Variants in PRKCQ observed in about 807,000 individuals in gnomAD.
PRKCQ encodes the protein protein kinase C theta, also known as protein kinase C theta type.
PRKCQ carries 41 observed loss-of-function variants against 91.2 expected under a neutral mutation model. That is an observed-to-expected ratio of 0.45 (90% CI 0.35 to 0.58). The LOEUF is 0.58. Ranked by LOEUF, PRKCQ falls within the 20% of genes least tolerant of loss-of-function variation. The pLI is 0.00. For synonymous variants in PRKCQ, 307 were observed against 316.9 expected (o/e 0.97, Z 0.33); for missense variants, 673 against 896.5 (o/e 0.75, Z 3.18).
At chr10:6,511,607 C>T (rs929200202) in intron 2 of PRKCQ, among the ~76,000 whole-genome samples, 2 of 152,096 alleles carry the variant, frequency 1.3e-5, no homozygotes, top group African/African-American at 4.8e-5. Flanking sequence ...ATCTCCATGA[C>T]CAACTAAAAC....
chr10:6,494,733 T>G (rs1434443560), intron 7 of PRKCQ, among the ~76,000 whole-genome samples: 1 of 152,242 alleles, frequency 6.6e-6, no homozygotes, highest in Non-Finnish European at 1.5e-5. Context: ...TAGTCAGTCC[T>G]GAACTTTCTC....
chr10:6,523,251 ACCAG>A (rs1839081872), intron 1 of PRKCQ, among the ~76,000 whole-genome samples: 1 of 151,946 alleles, frequency 6.6e-6, no homozygotes, highest in Non-Finnish European at 1.5e-5. Flanking sequence ...GGAGTTTGAG[ACCAG>A]CCTCAGGAAC....
intron 4 of PRKCQ, among the ~76,000 whole-genome samples, chr10:6,503,001 T>C (rs1564358104): frequency 6.6e-6 from 1 of 152,148 alleles, no homozygotes; most frequent in Non-Finnish European, 1.5e-5. Context: ...ATACCATCTG[T>C]TTGTAACACA....
intron 1 of PRKCQ, among the ~76,000 whole-genome samples, chr10:6,571,098 G>A (rs907272867): frequency 1.3e-5 from 2 of 152,034 alleles, no homozygotes; most frequent in African/African-American, 4.8e-5. Flanking sequence ...TCTGGGAGCT[G>A]GGGAAGACAG....
intron 3 of PRKCQ, among the ~76,000 whole-genome samples, chr10:6,509,964 T>C (rs2130856183): frequency 6.6e-6 from 1 of 152,324 alleles, no homozygotes; most frequent in East Asian, 1.9e-4. Context: ...ATTTGAAACC[T>C]GTGACTTGAA....
chr10:6,402,777 G>T, the PRKCQ span, among the ~76,000 whole-genome samples: 1 of 152,288 alleles, frequency 6.6e-6, no homozygotes, highest in African/African-American at 2.4e-5. Context: ...AAGTGTGGTC[G>T]TGGGCACCTG....
At chr10:6,572,292 C>CAT (rs3086767) in intron 1 of PRKCQ, among the ~76,000 whole-genome samples, 79,155 of 151,686 alleles carry the variant, frequency 0.52, 22,290 homozygotes, top group Non-Finnish European at 0.62. Flanking sequence ...CATGGGTAAA[C>CAT]GTGCCATGGT....
intron 12 of PRKCQ, among the ~76,000 whole-genome samples, chr10:6,477,781 T>C (rs1836350837): frequency 6.6e-6 from 1 of 152,182 alleles, no homozygotes; most frequent in Non-Finnish European, 1.5e-5. Context: ...GGCAGGAGAA[T>C]CACTTGAACC....
intron 1 of PRKCQ, among the ~76,000 whole-genome samples, chr10:6,536,343 G>T (rs1238537313): frequency 6.6e-6 from 1 of 152,180 alleles, no homozygotes; most frequent in Non-Finnish European, 1.5e-5. Context: ...CCTTGGCGAT[G>T]ACCTTGGCTA....
chr10:6,481,068 T>C (rs1158337439), intron 11 of PRKCQ, among the ~76,000 whole-genome samples: 1 of 152,210 alleles, frequency 6.6e-6, no homozygotes, highest in East Asian at 1.9e-4. Context: ...GAAACAGCCA[T>C]CCTGTCTTGC....
the PRKCQ span, among the ~76,000 whole-genome samples, chr10:6,413,587 T>TGCGC: frequency 1.9e-4 from 2 of 10,750 alleles, no homozygotes; most frequent in African/African-American, 5.0e-4. Flanking sequence ...ATGCCACTTG[T>TGCGC]GCACACACAC....
chr10:6,401,455 A>G, the PRKCQ span, among the ~76,000 whole-genome samples: 5 of 152,186 alleles, frequency 3.3e-5, no homozygotes, highest in South Asian at 1.0e-3. Flanking sequence ...CACATGGTTA[A>G]TAGTAATAAT....
chr10:6,555,838 C>T (rs901510661), intron 1 of PRKCQ, among the ~76,000 whole-genome samples: 4 of 152,046 alleles, frequency 2.6e-5, no homozygotes, highest in East Asian at 1.9e-4. Context: ...GGCAAAACCA[C>T]GTCTCTACTA....
At chr10:6,485,301 C>T (rs751734569) in intron 9 of PRKCQ, 32 bp from the exon 10 acceptor site, 1 of 1,555,040 alleles carries the variant, frequency 6.4e-7, no homozygotes, top group Non-Finnish European at 8.9e-7. Flanking sequence ...AGACCACCCA[C>T]CCACCCACCA....
At chr10:6,436,409 T>C (rs1044155790) in intron 16 of PRKCQ, among the ~76,000 whole-genome samples, 3 of 152,210 alleles carry the variant, frequency 2.0e-5, no homozygotes, top group Non-Finnish European at 2.9e-5. Context: ...CACGTAATGA[T>C]AGCATAAGAT....
chr10:6,475,337 C>T (rs977777335), intron 12 of PRKCQ, among the ~76,000 whole-genome samples: 7 of 152,190 alleles, frequency 4.6e-5, no homozygotes, highest in Admixed American at 2.0e-4. Flanking sequence ...TGTTGATAAA[C>T]GGCAGAGCTG....
intron 1 of PRKCQ, among the ~76,000 whole-genome samples, chr10:6,522,143 T>C (rs1839038202): frequency 6.6e-6 from 1 of 152,080 alleles, no homozygotes; most frequent in Non-Finnish European, 1.5e-5. Context: ...GGTTTCACCA[T>C]GCTGGCTAGG....
At chr10:6,563,777 G>T (rs1840722615) in intron 1 of PRKCQ, among the ~76,000 whole-genome samples, 1 of 152,198 alleles carries the variant, frequency 6.6e-6, no homozygotes, top group Admixed American at 6.5e-5. Flanking sequence ...GGGACTCTCT[G>T]CTCAAGCCGA....
chr10:6,566,601 G>A (rs978097937), intron 1 of PRKCQ, among the ~76,000 whole-genome samples: 5 of 152,108 alleles, frequency 3.3e-5, no homozygotes, highest in African/African-American at 7.2e-5. Context: ...ATGACACAAC[G>A]AGATTCAGTG....
Sources: allele counts gnomAD v4.1 joint callset (sites outside exome capture counted in the v4.1 genomes callset), GRCh38; gene constraint gnomAD v4.1.1; transcripts MANE v1.5; gene names NCBI Gene and HGNC (gene_info 2026-07-23, HGNC 2026-07-21).